The following PARP11 variants were observed in gnomAD, a reference collection of about 807,000 sequenced individuals.
PARP11 encodes the protein protein mono-ADP-ribosyltransferase PARP11.
PARP11 carries 31 observed loss-of-function variants against 42.9 expected under a neutral mutation model. The ratio of observed to expected loss-of-function variants is 0.72; its 90% confidence interval spans 0.54 to 0.98. The LOEUF (loss-of-function observed/expected upper bound fraction) is 0.98, where lower values mean the gene tolerates loss of function less well. PARP11 is among the 50% of genes least tolerant of loss of function. PARP11 has a pLI of 0.00. For missense variants in PARP11, 365 were observed against 413.1 expected, an observed-to-expected ratio of 0.88 and a Z score of 1.01; for synonymous variants, 137 against 127.3, an observed-to-expected ratio of 1.08 and a Z score of -0.51.
intron 2 of PARP11, 95 bp downstream of exon 2, chr12:3,829,795 T>G: frequency 8.2e-7 from 1 of 1,218,224 alleles, no homozygotes; most frequent in East Asian, 2.4e-5. Flanking sequence ...AAGCTTTGAC[T>G]TCAAGTTCTA....
Position 3,810,640 on chromosome 12 carries a change from AG to A in PARP11, c.*1482del. ...AAAGGGAGGAGGGAGGGAGGGAGGG[AG>A]GGAAAGAAGGAAGGAAGGAAGGAAG... On this transcript the variant is annotated 3_prime_UTR_variant, in exon 8 of 8. Coordinates refer to ENST00000228820, the MANE Select transcript of PARP11 (RefSeq NM_020367.6). 8.8e-6 allele frequency: 1 copy of A among 113,946 alleles called. No individual in the cohort carries two copies. 7.1% of individuals were successfully genotyped at this position (113,946 alleles called of 1,614,324 possible).
chr12:3,867,511 A>C (rs1412769568), intron 1 of PARP11, among the ~76,000 whole-genome samples: 3 of 152,204 alleles, frequency 2.0e-5, no homozygotes, highest in Admixed American at 2.0e-4. Flanking sequence ...TATAGCAGAG[A>C]TATATCTAGA....
chr12:3,839,131 A>C (rs1248280913), intron 1 of PARP11, among the ~76,000 whole-genome samples: 4 of 150,586 alleles, frequency 2.7e-5, no homozygotes, highest in African/African-American at 9.7e-5. Flanking sequence ...ACGCGCCCGG[A>C]GAGCGCGGAC....
rs1252044918 is a variant in PARP11 at position 3,809,470 on chromosome 12, C to A, written c.*2653G>T. On this transcript the variant is annotated 3_prime_UTR_variant, in exon 8 of 8. Transcript: ENST00000228820. ...GTGCATTCTACATATTTCATAGAAA[C>A]CAACTAGGTAAGTTCAGCGTTCGCA... is the stretch of plus-strand genomic sequence containing the variant. 6.6e-6 allele frequency: 1 copy of A among 152,150 alleles called. No individual in the cohort carries two copies. The highest frequency in any genetic ancestry group is 2.4e-5 in the African/African-American group (1 of 41,426). The allele number at this position is 152,150 out of a possible 1,614,324, so 9.4% of individuals were successfully genotyped here.
chr12:3,863,592 T>C (rs1413274442), intron 1 of PARP11, among the ~76,000 whole-genome samples: 2 of 152,046 alleles, frequency 1.3e-5, no homozygotes, highest in African/African-American at 2.4e-5. Context: ...TTTATTACAG[T>C]GAAAGAACAT....
chr12:3,822,524 G>A (rs548827663), intron 4 of PARP11, among the ~76,000 whole-genome samples: 5 of 149,670 alleles, frequency 3.3e-5, no homozygotes, highest in South Asian at 4.3e-4. Context: ...GCGTGAACCC[G>A]GGAGGCGGAG....
rs1361149558 is a variant in PARP11 at position 3,866,816 on chromosome 12, T to C, written c.18+6396A>G. 2.0e-5 allele frequency among the ~76,000 whole-genome samples: 3 copies of C among 152,206 alleles called. No individual in the cohort carries two copies. The East Asian group carries it at 5.8e-4, about 29-fold the overall frequency. On this transcript the variant is annotated intron_variant, in intron 1 of 7. Coordinates refer to ENST00000228820, the MANE Select transcript of PARP11 (RefSeq NM_020367.6). ...TTAATGCCTGAGAAGAAACAAGCTA[T>C]TGACCAAAATTCTTTATTAAATGAT...
intron 1 of PARP11, chr12:3,841,967 C>G: frequency 6.2e-7 from 1 of 1,610,296 alleles, no homozygotes; most frequent in Non-Finnish European, 8.5e-7. Flanking sequence ...AGCAGTAAGC[C>G]AGACGAAGGC....
chr12:3,844,095 T>C (rs575212594), intron 1 of PARP11, among the ~76,000 whole-genome samples: 6 of 152,350 alleles, frequency 3.9e-5, no homozygotes, highest in Non-Finnish European at 8.8e-5. Flanking sequence ...GCCACTGTAC[T>C]GTAATAATGG....
At chr12:3,852,370 A>T (rs2138096680) in intron 1 of PARP11, among the ~76,000 whole-genome samples, 1 of 152,330 alleles carries the variant, frequency 6.6e-6, no homozygotes, top group African/African-American at 2.4e-5. Flanking sequence ...ACCCATCGCA[A>T]GGAAGCTAAA....
Position 3,819,050 on chromosome 12 carries a change from T to G in PARP11, c.548+2823A>C, listed in dbSNP as rs1338652447. Among the ~76,000 whole-genome samples the G allele has an allele frequency of 2.6e-5, 4 of 152,188 alleles. No individual in the cohort carries two copies. In the East Asian group the frequency reaches 5.8e-4, roughly 22 times the overall value. Reference sequence around the variant, plus strand: ...TCTAGTCTACACCACTCTTCTCAACTCCTGACCCATATGTCAACTGCTGTA... The same window carrying G: ...TCTAGTCTACACCACTCTTCTCAACGCCTGACCCATATGTCAACTGCTGTA... On this transcript the variant is annotated intron_variant, in intron 6 of 7. Transcript: ENST00000228820.
intron 6 of PARP11, among the ~76,000 whole-genome samples, chr12:3,817,970 G>A (rs1051723355): frequency 1.3e-5 from 2 of 152,112 alleles, no homozygotes; most frequent in African/African-American, 2.4e-5. Context: ...GAGAATCTCT[G>A]ATCTAAATTC....
At chr12:3,844,383 AG>A (rs1459738527) in intron 1 of PARP11, among the ~76,000 whole-genome samples, 1 of 152,220 alleles carries the variant, frequency 6.6e-6, no homozygotes, top group Non-Finnish European at 1.5e-5. Flanking sequence ...CTGGTGGCTC[AG>A]TTAAGGAATG....
chr12:3,856,004 C>T (rs1478329800), intron 1 of PARP11, among the ~76,000 whole-genome samples: 1 of 152,144 alleles, frequency 6.6e-6, no homozygotes, highest in East Asian at 1.9e-4. Context: ...TGATCTTTGA[C>T]AAACCTGACA....
At chr12:3,841,266 T>C in intron 1 of PARP11, 1 of 1,345,080 alleles carries the variant, frequency 7.4e-7, no homozygotes, top group South Asian at 1.2e-5. Flanking sequence ...ATAAGAATAT[T>C]CTTCGATTCT....
At chr12:3,826,254 T>C in intron 3 of PARP11, 21 bp from the exon 4 acceptor site, 1 of 1,533,922 alleles carries the variant, frequency 6.5e-7, no homozygotes, top group South Asian at 1.2e-5. Flanking sequence ...AGACAAGATA[T>C]TAGATAAGTC....
chr12:3,843,432 T>A (rs1003797589), intron 1 of PARP11, among the ~76,000 whole-genome samples: 2 of 152,240 alleles, frequency 1.3e-5, no homozygotes, highest in Non-Finnish European at 2.9e-5. Context: ...AATTTTTAGC[T>A]TGACAGGTTT....
In PARP11 at chr12:3,810,382, G is replaced by C. The variant is rs1947145616; in HGVS notation, c.*1741C>G. On this transcript the variant is annotated 3_prime_UTR_variant, in exon 8 of 8. Transcript: ENST00000228820. Reference sequence around the variant, plus strand: ...AGGCAGGCGGATCACCTGAGGTCAGGAGTTTGAGATCAGCCTGGCCAACAT... The same window carrying C: ...AGGCAGGCGGATCACCTGAGGTCAGCAGTTTGAGATCAGCCTGGCCAACAT... The C allele has an allele frequency of 6.6e-6, 1 of 152,216 alleles. No homozygotes were observed. The highest frequency in any genetic ancestry group is 1.5e-5 in the Non-Finnish European group (1 of 68,108). The allele number at this position is 152,216 out of a possible 1,614,324, so 9.4% of individuals were successfully genotyped here.
intron 1 of PARP11, among the ~76,000 whole-genome samples, chr12:3,867,707 GT>G (rs895044236): frequency 1.2e-4 from 18 of 152,262 alleles, no homozygotes; most frequent in Admixed American, 1.2e-3. Flanking sequence ...TTACACTATT[GT>G]GTGTATAAAG....
Sources: gnomAD v4.1 joint callset for allele counts (sites outside exome capture counted in the v4.1 genomes callset) on GRCh38, gnomAD v4.1.1 for gene constraint, MANE v1.5 for transcripts, NCBI Gene and HGNC (gene_info 2026-07-23, HGNC 2026-07-21) for gene names.